The following MBNL1 variants were observed in gnomAD, a reference collection of about 807,000 sequenced individuals.
MBNL1 encodes the protein muscleblind like splicing regulator 1.
A neutral mutation model predicts 42.2 loss-of-function variants in MBNL1; 8 were observed. That is an observed-to-expected ratio of 0.19 (90% CI 0.11 to 0.34). The LOEUF (loss-of-function observed/expected upper bound fraction) is 0.34, where lower values mean the gene tolerates loss of function less well. MBNL1 is among the 10% of genes least tolerant of loss of function. The pLI is 1.00. For missense variants in MBNL1, 309 were observed against 495.3 expected, an observed-to-expected ratio of 0.62 and a Z score of 3.57; for synonymous variants, 169 against 173.9, an observed-to-expected ratio of 0.97 and a Z score of 0.22.
At chr3:152,423,509 G>A (rs532163839) in intron 3 of MBNL1, among the ~76,000 whole-genome samples, 2 of 152,320 alleles carry the variant, frequency 1.3e-5, no homozygotes, top group East Asian at 3.9e-4. Context: ...GAGGTACAAA[G>A]AGGAGCTGGT....
intron 2 of MBNL1, among the ~76,000 whole-genome samples, chr3:152,360,317 C>T (rs528654367): frequency 1.1e-4 from 17 of 152,214 alleles, no homozygotes; most frequent in Admixed American, 8.5e-4. Context: ...CCCAAACCTT[C>T]GTGGTTAAGA....
chr3:152,286,583 T>A (rs1283393093), intron 1 of MBNL1, among the ~76,000 whole-genome samples: 1 of 144,368 alleles, frequency 6.9e-6, no homozygotes, highest in Non-Finnish European at 1.5e-5. Context: ...TATAAATATT[T>A]AATTATATTT....
At chr3:152,300,470 G>C in intron 2 of MBNL1, 103 bp downstream of exon 2, 1 of 1,015,374 alleles carries the variant, frequency 9.8e-7, no homozygotes, top group Non-Finnish European at 1.4e-6. Context: ...TTTGTTCATA[G>C]TTTAGTTATA....
intron 2 of MBNL1, among the ~76,000 whole-genome samples, chr3:152,258,591 A>G (rs1299245563): frequency 1.3e-5 from 2 of 152,196 alleles, no homozygotes; most frequent in East Asian, 3.8e-4. Flanking sequence ...AGCAAAGACC[A>G]AGGTTGCAAC....
chr3:152,372,911 G>A (rs962819148), intron 2 of MBNL1, among the ~76,000 whole-genome samples: 1 of 152,182 alleles, frequency 6.6e-6, no homozygotes, highest in Admixed American at 6.5e-5. Flanking sequence ...CGCCTCTTCC[G>A]CCAGGTCCTC....
At chr3:152,459,879 TTTTTC>T in intron 9 of MBNL1, among the ~76,000 whole-genome samples, 1 of 150,258 alleles carries the variant, frequency 6.7e-6, no homozygotes, top group Non-Finnish European at 1.5e-5. Context: ...TTTTTTTTTT[TTTTTC>T]ATTCTTTGGC....
intron 9 of MBNL1, among the ~76,000 whole-genome samples, chr3:152,460,176 C>G (rs967819007): frequency 1.3e-5 from 2 of 151,730 alleles, no homozygotes; most frequent in Non-Finnish European, 2.9e-5. Flanking sequence ...ATCACTTGAG[C>G]CCAGGAGGTT....
intron 1 of MBNL1, among the ~76,000 whole-genome samples, chr3:152,296,789 A>G (rs1050525138): frequency 1.3e-5 from 2 of 152,062 alleles, no homozygotes; most frequent in Non-Finnish European, 2.9e-5. Flanking sequence ...CCCTAGAAGT[A>G]ATCCAAATCC....
At chr3:152,329,661 A>G (rs947974887) in intron 2 of MBNL1, among the ~76,000 whole-genome samples, 2 of 125,982 alleles carry the variant, frequency 1.6e-5, no homozygotes, top group Non-Finnish European at 3.3e-5. Context: ...AAATATACAT[A>G]TATATTTTAT....
chr3:152,396,235 T>C, intron 2 of MBNL1: 2 of 291,722 alleles, frequency 6.9e-6, no homozygotes, highest in Non-Finnish European at 6.8e-6. Flanking sequence ...GTGAGTGTTA[T>C]AATTATTTTA....
intron 4 of MBNL1, among the ~76,000 whole-genome samples, chr3:152,435,887 T>G (rs556960808): frequency 7.2e-5 from 11 of 152,318 alleles, no homozygotes; most frequent in African/African-American, 2.2e-4. Context: ...TTTTATACAT[T>G]GATTTTGTGT....
At chr3:152,417,921 G>T (rs1054895127) in intron 3 of MBNL1, among the ~76,000 whole-genome samples, 2 of 152,138 alleles carry the variant, frequency 1.3e-5, no homozygotes, top group Non-Finnish European at 2.9e-5. Context: ...AACCAAGTTT[G>T]GGTTCTCATT....
chr3:152,408,070 C>T (rs574628442), intron 2 of MBNL1, among the ~76,000 whole-genome samples: 4 of 152,126 alleles, frequency 2.6e-5, no homozygotes, highest in Non-Finnish European at 5.9e-5. Context: ...TTGATAGGTG[C>T]GGCAAACCAT....
intron 1 of MBNL1, among the ~76,000 whole-genome samples, chr3:152,292,493 T>C (rs558559481): frequency 1.3e-5 from 2 of 152,230 alleles, no homozygotes; most frequent in Non-Finnish European, 2.9e-5. Flanking sequence ...AAAAGACTGC[T>C]TCGACAGAGC....
chr3:152,339,361 G>A (rs915265828), intron 2 of MBNL1, among the ~76,000 whole-genome samples: 3 of 152,116 alleles, frequency 2.0e-5, no homozygotes, highest in African/African-American at 4.8e-5. Flanking sequence ...TGGTAAGGGT[G>A]TGTGTGTGTA....
chr3:152,383,360 G>A (rs952148819), intron 2 of MBNL1, among the ~76,000 whole-genome samples: 4 of 152,062 alleles, frequency 2.6e-5, no homozygotes, highest in African/African-American at 9.7e-5. Flanking sequence ...ACAGTTTTCT[G>A]GAGAGTGAGT....
intron 2 of MBNL1, among the ~76,000 whole-genome samples, chr3:152,325,515 A>G (rs1370806439): frequency 6.6e-6 from 1 of 152,146 alleles, no homozygotes; most frequent in Admixed American, 6.6e-5. Flanking sequence ...ATGTGACATG[A>G]AGGTAAACAC....
intron 2 of MBNL1, among the ~76,000 whole-genome samples, chr3:152,333,365 TTGTG>T (rs1332267904): frequency 6.6e-6 from 1 of 152,242 alleles, no homozygotes; most frequent in African/African-American, 2.4e-5. Context: ...TAAGATAAGT[TTGTG>T]TGCATATTTG....
chr3:152,308,239 GTTATC>G (rs1577527822), intron 2 of MBNL1, among the ~76,000 whole-genome samples: 1 of 152,146 alleles, frequency 6.6e-6, no homozygotes, highest in Non-Finnish European at 1.5e-5. Flanking sequence ...CCATAGAAGT[GTTATC>G]TTATCATAAA....
Sources: allele counts gnomAD v4.1 joint callset (sites outside exome capture counted in the v4.1 genomes callset), GRCh38; gene constraint gnomAD v4.1.1; transcripts MANE v1.5; gene names NCBI Gene and HGNC (gene_info 2026-07-23, HGNC 2026-07-21).